The following TNFSF4 variants were observed in gnomAD, a reference collection of about 807,000 sequenced individuals.
TNFSF4 encodes tumor necrosis factor ligand superfamily member 4.
TNFSF4 carries 4 observed loss-of-function variants against 7.3 expected under a neutral mutation model. The observed-to-expected ratio is 0.55, with a 90% confidence interval of 0.27 to 1.25. TNFSF4 has a LOEUF of 1.25. TNFSF4 is among the 50% of genes most tolerant of loss of function. TNFSF4 has a pLI of 0.12. For synonymous variants in TNFSF4, 76 were observed against 83.7 expected (o/e 0.91, Z 0.50); for missense variants, 181 against 208.8 (o/e 0.87, Z 0.82).
chr1:173,446,334 G>A, the TNFSF4 span, among the ~76,000 whole-genome samples: 1 of 152,200 alleles, frequency 6.6e-6, no homozygotes, highest in East Asian at 1.9e-4. Flanking sequence ...ACATCCCTTG[G>A]CATTTATTCA....
the TNFSF4 span, among the ~76,000 whole-genome samples, chr1:173,308,084 A>T: frequency 6.6e-6 from 1 of 151,872 alleles, no homozygotes; most frequent in Non-Finnish European, 1.5e-5. Flanking sequence ...CTTATTTTTT[A>T]TACAAATTCT....
chr1:173,222,277 C>A, the TNFSF4 span, among the ~76,000 whole-genome samples: 1 of 152,096 alleles, frequency 6.6e-6, no homozygotes, highest in Non-Finnish European at 1.5e-5. Context: ...AAAATAAAGC[C>A]TGACTAAGTA....
chr1:173,406,390 T>G, the TNFSF4 span, among the ~76,000 whole-genome samples: 1 of 152,146 alleles, frequency 6.6e-6, no homozygotes, highest in Non-Finnish European at 1.5e-5. Flanking sequence ...TTTACTTATT[T>G]CACAAAAATT....
chr1:173,327,036 C>A, the TNFSF4 span, among the ~76,000 whole-genome samples: 1 of 152,052 alleles, frequency 6.6e-6, no homozygotes, highest in Non-Finnish European at 1.5e-5. Context: ...CATATGGAAC[C>A]AAAAAAGAGC....
At chr1:173,299,545 T>C in the TNFSF4 span, among the ~76,000 whole-genome samples, 1 of 151,948 alleles carries the variant, frequency 6.6e-6, no homozygotes, top group Non-Finnish European at 1.5e-5. Context: ...CTTGAAATAC[T>C]TTTCTACTAG....
chr1:173,288,790 CT>C, the TNFSF4 span, among the ~76,000 whole-genome samples: 1 of 151,906 alleles, frequency 6.6e-6, no homozygotes, highest in Admixed American at 6.6e-5. Flanking sequence ...ATCTTTAAAA[CT>C]AAACAATAAT....
At chr1:173,215,370 G>T in the TNFSF4 span, among the ~76,000 whole-genome samples, 1 of 152,026 alleles carries the variant, frequency 6.6e-6, no homozygotes, top group Non-Finnish European at 1.5e-5. Context: ...TACCAAAAGA[G>T]CATTGCTTCT....
chr1:173,335,003 C>T, the TNFSF4 span, among the ~76,000 whole-genome samples: 1 of 152,050 alleles, frequency 6.6e-6, no homozygotes, highest in Admixed American at 6.6e-5. Flanking sequence ...TAGGAATGGA[C>T]ATTGAGTTTG....
At chr1:173,363,599 G>A in the TNFSF4 span, 20 of 482,700 alleles carry the variant, frequency 4.1e-5, no homozygotes, top group South Asian at 6.8e-5. Flanking sequence ...GGGGAGTGTC[G>A]TAGATCACTC....
the TNFSF4 span, among the ~76,000 whole-genome samples, chr1:173,296,508 A>G: frequency 6.6e-6 from 1 of 151,940 alleles, no homozygotes; most frequent in African/African-American, 2.4e-5. Flanking sequence ...AAAGCCACCT[A>G]TGCCACACAC....
At chr1:173,360,969 G>A in the TNFSF4 span, among the ~76,000 whole-genome samples, 2 of 152,168 alleles carry the variant, frequency 1.3e-5, no homozygotes, top group Admixed American at 1.3e-4. Context: ...GGCAGAGAAA[G>A]TGAAGGGGCT....
chr1:173,364,464 G>A, the TNFSF4 span, among the ~76,000 whole-genome samples: 2 of 150,600 alleles, frequency 1.3e-5, no homozygotes, highest in Non-Finnish European at 3.0e-5. Context: ...GAAAAAGTGT[G>A]AAGAAAAAAA....
the TNFSF4 span, among the ~76,000 whole-genome samples, chr1:173,406,788 C>T: frequency 1.3e-5 from 2 of 152,158 alleles, no homozygotes; most frequent in Non-Finnish European, 2.9e-5. Flanking sequence ...AAATGTTACT[C>T]AAAGGAGCTG....
At chr1:173,400,069 C>G in the TNFSF4 span, among the ~76,000 whole-genome samples, 3 of 152,224 alleles carry the variant, frequency 2.0e-5, no homozygotes, top group Admixed American at 2.0e-4. Context: ...GCGAGAACTA[C>G]CATCCATAAG....
the TNFSF4 span, among the ~76,000 whole-genome samples, chr1:173,349,274 C>T: frequency 2.2e-4 from 33 of 152,044 alleles, no homozygotes; most frequent in South Asian, 1.0e-3. Context: ...ATGATCTGCC[C>T]GCCTCGGCCT....
At chr1:173,323,131 C>A in the TNFSF4 span, among the ~76,000 whole-genome samples, 1 of 152,176 alleles carries the variant, frequency 6.6e-6, no homozygotes, top group Admixed American at 6.5e-5. Flanking sequence ...CTGGGAGGCA[C>A]CCCACAGGAG....
chr1:173,444,353 A>G, the TNFSF4 span, among the ~76,000 whole-genome samples: 1 of 151,944 alleles, frequency 6.6e-6, no homozygotes, highest in South Asian at 2.1e-4. Flanking sequence ...TAGGATGATG[A>G]GTGCTTTTTT....
chr1:173,189,571 A>G (rs1649385951), intron 1 of TNFSF4, among the ~76,000 whole-genome samples: 1 of 152,220 alleles, frequency 6.6e-6, no homozygotes, highest in African/African-American at 2.4e-5. Context: ...CTGATAGATA[A>G]AACTTTTACA....
chr1:173,434,205 CT>C, the TNFSF4 span, among the ~76,000 whole-genome samples: 1 of 152,224 alleles, frequency 6.6e-6, no homozygotes, highest in African/African-American at 2.4e-5. Flanking sequence ...CCCTAGAAAA[CT>C]AATGCACAGT....
Sources: allele counts gnomAD v4.1 joint callset (sites outside exome capture counted in the v4.1 genomes callset), GRCh38; gene constraint gnomAD v4.1.1; transcripts MANE v1.5; gene names NCBI Gene and HGNC (gene_info 2026-07-23, HGNC 2026-07-21).